The following RBFOX1 variants were observed in gnomAD, a reference collection of about 807,000 sequenced individuals.
RBFOX1 encodes RNA binding fox-1 homolog 1, also known as RNA binding protein fox-1 homolog 1.
RBFOX1 carries 8 observed loss-of-function variants against 57.7 expected under a neutral mutation model. That is an observed-to-expected ratio of 0.14 (90% CI 0.08 to 0.25). RBFOX1 has a LOEUF of 0.25. RBFOX1 is among the 10% of genes least tolerant of loss of function. The pLI, the probability that RBFOX1 is intolerant of heterozygous loss-of-function variation, is 1.00. For synonymous variants in RBFOX1, 326 were observed against 222.4 expected (o/e 1.47, Z -4.15); for missense variants, 611 against 548.5 (o/e 1.11, Z -1.14).
chr16:6,476,757 A>T (rs1053245647), intron 2 of RBFOX1, among the ~76,000 whole-genome samples: 1 of 152,210 alleles, frequency 6.6e-6, no homozygotes, highest in Non-Finnish European at 1.5e-5. Flanking sequence ...TCTTCCTTTC[A>T]TGAAATACTT....
chr16:5,890,418 G>A (rs946958933), intron 4 of RBFOX1, among the ~76,000 whole-genome samples: 1 of 152,138 alleles, frequency 6.6e-6, no homozygotes, highest in Non-Finnish European at 1.5e-5. Context: ...AGAAGTGAAG[G>A]CTGGGCGCAG....
chr16:5,392,530 TTTTTTTTC>T (rs946112793), intron 1 of RBFOX1, among the ~76,000 whole-genome samples: 1 of 148,542 alleles, frequency 6.7e-6, no homozygotes, highest in Non-Finnish European at 1.5e-5. Flanking sequence ...TATATATATA[TTTTTTTTC>T]TTTTTTTCTT....
At chr16:6,841,974 T>TA (rs57783370) in intron 3 of RBFOX1, among the ~76,000 whole-genome samples, 60,673 of 147,588 alleles carry the variant, frequency 0.41, 13,855 homozygotes, top group East Asian at 0.74. Flanking sequence ...CCGTCTCTAT[T>TA]AAAAAAAAAA....
chr16:7,134,124 A>G (rs568232612), intron 4 of RBFOX1, among the ~76,000 whole-genome samples: 2 of 152,218 alleles, frequency 1.3e-5, no homozygotes, highest in Non-Finnish European at 2.9e-5. Flanking sequence ...CTGCAAATAC[A>G]ATAGCGATCA....
At chr16:5,796,720 G>A (rs1345519000) in intron 3 of RBFOX1, among the ~76,000 whole-genome samples, 1 of 152,186 alleles carries the variant, frequency 6.6e-6, no homozygotes, top group Non-Finnish European at 1.5e-5. Context: ...GAGAGGACAA[G>A]TAATTTGCCT....
intron 2 of RBFOX1, among the ~76,000 whole-genome samples, chr16:6,344,500 C>T (rs2085058677): frequency 6.7e-6 from 1 of 149,616 alleles, no homozygotes; most frequent in Admixed American, 6.7e-5. Context: ...CGGGTTCACG[C>T]CATTCTCCTG....
intron 2 of RBFOX1, among the ~76,000 whole-genome samples, chr16:6,432,706 G>A (rs929713998): frequency 1.3e-5 from 2 of 152,046 alleles, no homozygotes; most frequent in Middle Eastern, 3.4e-3. Context: ...TAGGCTGGGT[G>A]CAATGGCTTA....
intron 11 of RBFOX1, among the ~76,000 whole-genome samples, chr16:7,636,605 A>C (rs72776807): frequency 6.6e-6 from 1 of 152,200 alleles, no homozygotes; most frequent in East Asian, 1.9e-4. Context: ...TTGGATTACA[A>C]AATCCCTGTC....
At chr16:5,993,349 G>A (rs1043635213) in intron 4 of RBFOX1, among the ~76,000 whole-genome samples, 1 of 25,678 alleles carries the variant, frequency 3.9e-5, no homozygotes, top group Non-Finnish European at 7.6e-5. Context: ...ACGTGTGTGT[G>A]TGTGTGTGTG....
At chr16:7,631,754 A>C (rs1335471301) in intron 11 of RBFOX1, among the ~76,000 whole-genome samples, 1 of 152,146 alleles carries the variant, frequency 6.6e-6, no homozygotes, top group African/African-American at 2.4e-5. Context: ...GCCAAAACCA[A>C]ACATCTTCGT....
At chr16:6,942,449 G>C (rs1434812670) in intron 3 of RBFOX1, among the ~76,000 whole-genome samples, 4 of 152,054 alleles carry the variant, frequency 2.6e-5, no homozygotes, top group African/African-American at 4.8e-5. Flanking sequence ...TTGAGCCATT[G>C]TGCCCAGCCA....
At chr16:5,722,429 G>T (rs1184827874) in intron 3 of RBFOX1, among the ~76,000 whole-genome samples, 1 of 152,140 alleles carries the variant, frequency 6.6e-6, no homozygotes, top group African/African-American at 2.4e-5. Flanking sequence ...GCTCTGCTGG[G>T]CTGTTCTGCA....
chr16:5,412,748 A>G (rs1403482630), intron 1 of RBFOX1, among the ~76,000 whole-genome samples: 1 of 152,222 alleles, frequency 6.6e-6, no homozygotes, highest in Non-Finnish European at 1.5e-5. Context: ...AGGGAAAAAA[A>G]TCAAGCACAG....
intron 14 of RBFOX1, among the ~76,000 whole-genome samples, chr16:7,691,486 A>ACAAAG: frequency 6.6e-6 from 1 of 151,960 alleles, no homozygotes; most frequent in Middle Eastern, 3.2e-3. Context: ...GAAAAGAGGA[A>ACAAAG]GAAAGGAGGA....
At chr16:7,607,806 C>A (rs868399684) in intron 10 of RBFOX1, among the ~76,000 whole-genome samples, 1 of 152,106 alleles carries the variant, frequency 6.6e-6, no homozygotes, top group African/African-American at 2.4e-5. Flanking sequence ...AGGCCTTTTT[C>A]GATAACTAAA....
chr16:7,335,909 G>A (rs2096778176), intron 4 of RBFOX1, among the ~76,000 whole-genome samples: 1 of 152,184 alleles, frequency 6.6e-6, no homozygotes, highest in African/African-American at 2.4e-5. Context: ...TGACTATGGA[G>A]AATTCAGCTG....
intron 1 of RBFOX1, among the ~76,000 whole-genome samples, chr16:6,293,996 C>G (rs1264952001): frequency 6.6e-6 from 1 of 152,030 alleles, no homozygotes; most frequent in Non-Finnish European, 1.5e-5. Context: ...TTGCCTTATC[C>G]TCTAAATATT....
At chr16:5,902,791 C>A (rs1597713253) in intron 4 of RBFOX1, among the ~76,000 whole-genome samples, 2 of 152,086 alleles carry the variant, frequency 1.3e-5, no homozygotes, top group African/African-American at 4.8e-5. Flanking sequence ...ATTCCAAGCG[C>A]CTTGTCTGGC....
chr16:5,770,253 A>C (rs1019904231), intron 3 of RBFOX1, among the ~76,000 whole-genome samples: 1 of 152,220 alleles, frequency 6.6e-6, no homozygotes, highest in Non-Finnish European at 1.5e-5. Context: ...GAATGCAATA[A>C]TGAAACTGGC....
Sources: gnomAD v4.1 joint callset for allele counts (sites outside exome capture counted in the v4.1 genomes callset) on GRCh38, gnomAD v4.1.1 for gene constraint, MANE v1.5 for transcripts, NCBI Gene and HGNC (gene_info 2026-07-23, HGNC 2026-07-21) for gene names.